The following WNT9A variants were observed in gnomAD, a reference collection of about 807,000 sequenced individuals.
WNT9A encodes protein Wnt-9a.
WNT9A carries 8 observed loss-of-function variants against 31.4 expected under a neutral mutation model. The observed-to-expected ratio is 0.26, with a 90% confidence interval of 0.15 to 0.46. The LOEUF is 0.46. WNT9A is among the 20% of genes least tolerant of loss of function. The pLI, the probability that WNT9A is intolerant of heterozygous loss-of-function variation, is 0.99. For synonymous variants in WNT9A, 236 were observed against 220.1 expected, an observed-to-expected ratio of 1.07 and a Z score of -0.64; for missense variants, 457 against 522.9, an observed-to-expected ratio of 0.87 and a Z score of 1.23.
Position 227,921,114 on chromosome 1 carries a change from A to T in WNT9A, c.*404T>A. ...CCCTTGCAGGTGTAGACCTTCTCAC[A>T]CCATGTGCAATGCCTGCACTCTGAG... is the stretch of plus-strand genomic sequence containing the variant. On this transcript the variant is annotated 3_prime_UTR_variant, in exon 4 of 4. Transcript: ENST00000272164. 1 of 214,342 alleles carries T rather than the reference A, an allele frequency of 4.7e-6. No individual in the cohort carries two copies. Among genetic ancestry groups the T allele is most frequent in the Admixed American group, 4.9e-5 (1 of 20,354 alleles). The allele number at this position is 214,342 out of a possible 1,614,324, so 13.3% of individuals were successfully genotyped here.
intron 1 of WNT9A, among the ~76,000 whole-genome samples, chr1:227,943,700 G>C (rs115364940): frequency 0.013 from 1,931 of 152,368 alleles, 37 homozygotes; most frequent in African/African-American, 0.043. Flanking sequence ...TGCAGGCGGG[G>C]AGCAAGGGCT....
In WNT9A at chr1:227,924,201, G is replaced by A; in HGVS notation, c.552C>T (p.Gly184=). Residue 184 remains glycine, a synonymous_variant, in exon 3 of 4, where the codon GGC becomes GGT. Transcript: ENST00000272164. ...YSSKFVKEFL[G]RRSSKDLRAR... ...CTCGCAGATCCTTGCTTGACCGTCT[G>A]CCCAGGAATTCCTTGACGAACTTGC... 2 of 1,612,812 alleles carry A rather than the reference G, an allele frequency of 1.2e-6. No individual in the cohort carries two copies. Among genetic ancestry groups the A allele is most frequent in the Non-Finnish European group, 1.7e-6 (2 of 1,179,736 alleles).
In WNT9A at chr1:227,934,025, CCCT is replaced by C. The variant is rs1303068022; in HGVS notation, c.96-8509_96-8507del. Reference sequence around the variant, plus strand: ...TGGGCTGCAGCCTGTGTCAGAACATCCCTCCTCTTAAGGGTGAATCCTATTCCA... The same window carrying C: ...TGGGCTGCAGCCTGTGTCAGAACATCCCTCTTAAGGGTGAATCCTATTCCA... On this transcript the variant is annotated intron_variant, in intron 1 of 3. Transcript: ENST00000272164. Among the ~76,000 whole-genome samples, 10 of 152,358 alleles carry C rather than the reference CCCT, an allele frequency of 6.6e-5. No individual in the cohort carries two copies. The East Asian group carries it at 1.9e-3, about 29-fold the overall frequency.
At chr1:227,924,945 C>G (rs2102718665) in intron 2 of WNT9A, among the ~76,000 whole-genome samples, 2 of 152,294 alleles carry the variant, frequency 1.3e-5, no homozygotes, top group East Asian at 3.9e-4. Context: ...ACAGGCATAG[C>G]CCACTGGGCA....
In WNT9A at chr1:227,926,331, C is replaced by A. The variant is rs946940833; in HGVS notation, c.96-812G>T. ...CCCCAACCTCAACTGCTCCAGGAAC[C>A]CGGCTCCACCCCACTGGGTGCCCCC... On this transcript the variant is annotated intron_variant, in intron 1 of 3. Transcript: ENST00000272164. This position sits in a 1 kb window ranked among gnomAD's most constrained non-coding sequence, Gnocchi z 5.0. Among the ~76,000 whole-genome samples, 2 of 152,096 alleles carry A rather than the reference C, an allele frequency of 1.3e-5. No individual in the cohort carries two copies. The highest frequency in any genetic ancestry group is 2.9e-5 in the Non-Finnish European group (2 of 68,012).
Position 227,921,341 on chromosome 1 carries a change from G to A in WNT9A, c.*177C>T, listed in dbSNP as rs568052668. ...CCAGGGACTCACCCCACGCTGCTAGGTCTGAGCCCAGGGACTCAGCCCATG... is the reference window on the plus strand; with the variant it reads ...CCAGGGACTCACCCCACGCTGCTAGATCTGAGCCCAGGGACTCAGCCCATG... On this transcript the variant is annotated 3_prime_UTR_variant, in exon 4 of 4. Coordinates refer to ENST00000272164, the MANE Select transcript of WNT9A (RefSeq NM_003395.4). The A allele has an allele frequency of 9.8e-7, 1 of 1,019,920 alleles. No individual in the cohort carries two copies. Among genetic ancestry groups the A allele is most frequent in the Middle Eastern group, 2.6e-4 (1 of 3,788 alleles). The allele number at this position is 1,019,920 out of a possible 1,614,324, so 63.2% of individuals were successfully genotyped here.
chr1:227,925,979 T>C lies in WNT9A; in HGVS notation c.96-460A>G, dbSNP rs1279973104. On this transcript the variant is annotated intron_variant, in intron 1 of 3. Transcript: ENST00000272164. This position sits in a 1 kb window ranked among gnomAD's most constrained non-coding sequence, Gnocchi z 6.0. ...CTGACCCGCAGGATCCCGCCTGAGG[T>C]CCCCCTACCCTCTGCCATGACCTGC... Among the ~76,000 whole-genome samples the C allele has an allele frequency of 6.6e-6, 1 of 151,280 alleles. No homozygotes were observed. Among genetic ancestry groups the C allele is most frequent in the Non-Finnish European group, 1.5e-5 (1 of 67,818 alleles).
Position 227,947,781 on chromosome 1 carries a change from GA to G in WNT9A, c.95+11del. ...CGCCCACCAGTGCGCGCCGGCCGCC[GA>G]AGGCACCTACCCGAAGTAGGCGGCC... On this transcript the variant is annotated intron_variant, in intron 1 of 3. Transcript: ENST00000272164. The G allele has an allele frequency of 9.4e-7, 1 of 1,062,208 alleles. No homozygotes were observed. The highest frequency in any genetic ancestry group is 4.1e-5 in the South Asian group (1 of 24,172). 65.8% of individuals were successfully genotyped at this position (1,062,208 alleles called of 1,614,324 possible).
Position 227,925,473 on chromosome 1 carries a change from G to A in WNT9A, c.142C>T (p.Pro48Ser), listed in dbSNP as rs751540703. The A allele has an allele frequency of 1.3e-5, 21 of 1,577,334 alleles. No homozygotes were observed. The highest frequency in any genetic ancestry group is 3.4e-5 in the South Asian group (3 of 87,332). The change falls in exon 2 of 4, where the codon CCA becomes TCA. Residue 48 changes from proline (P) to serine (S), a missense_variant. Coordinates refer to ENST00000272164, the MANE Select transcript of WNT9A (RefSeq NM_003395.4). The surrounding 1 kb of genome is among the most constrained non-coding windows in gnomAD (Gnocchi z 6.0). ...PLTILPLTLEPEAAAQAHYKA... is the reference protein window; with the variant it reads ...PLTILPLTLESEAAAQAHYKA... ...TAGTGCGCCTGGGCAGCCGCCTCTG[G>A]CTCCAGGGTCAGCGGGAGGATGGTC...
chr1:227,939,606 G>A (rs1176158862), intron 1 of WNT9A, among the ~76,000 whole-genome samples: 1 of 152,166 alleles, frequency 6.6e-6, no homozygotes, highest in Non-Finnish European at 1.5e-5. Flanking sequence ...ACAATAGACA[G>A]GAAGTCCTAC....
intron 1 of WNT9A, among the ~76,000 whole-genome samples, chr1:227,927,735 A>G (rs1164281496): frequency 6.6e-6 from 1 of 152,052 alleles, no homozygotes; most frequent in Non-Finnish European, 1.5e-5. Flanking sequence ...GGAAGACGAC[A>G]GCCTCCCACC....
chr1:227,919,722 C>CACACACACACACAG lies in WNT9A; in HGVS notation c.*1795_*1796insCTGTGTGTGTGTGT, dbSNP rs55730500. 7 of 145,656 alleles carry CACACACACACACAG rather than the reference C, an allele frequency of 4.8e-5. No individual in the cohort carries two copies. The highest frequency in any genetic ancestry group is 1.8e-4 in the African/African-American group (7 of 38,392). The allele number at this position is 145,656 out of a possible 1,614,324, so 9.0% of individuals were successfully genotyped here. On this transcript the variant is annotated 3_prime_UTR_variant, in exon 4 of 4. Transcript: ENST00000272164. Reference sequence around the variant, plus strand: ...ACACACACACACACACACACACACACAGACCATGCCAGCATGCATTTATAC... The same window carrying CACACACACACACAG: ...ACACACACACACACACACACACACACACACACACACACAGAGACCATGCCAGCATGCATTTATAC...
chr1:227,938,644 AAC>A (rs1435985418), intron 1 of WNT9A, among the ~76,000 whole-genome samples: 1 of 152,078 alleles, frequency 6.6e-6, no homozygotes, highest in Non-Finnish European at 1.5e-5. Flanking sequence ...TCCAAACACA[AAC>A]ACACATACAT....
rs146110577 is a variant in WNT9A at position 227,940,681 on chromosome 1, C to T, written c.95+7112G>A. Among the ~76,000 whole-genome samples, 768 of 152,366 alleles carry T rather than the reference C, an allele frequency of 5.0e-3. 15 individuals carry two copies. The highest frequency in any genetic ancestry group is 0.018 in the African/African-American group (741 of 41,580). ...AGCCCACTTCCCCTGGCTGCACTGA[C>T]CTCAGGTATCGCTAAAAAAAACAAA... On this transcript the variant is annotated intron_variant, in intron 1 of 3. Coordinates refer to ENST00000272164, the MANE Select transcript of WNT9A (RefSeq NM_003395.4).
intron 1 of WNT9A, among the ~76,000 whole-genome samples, chr1:227,934,131 T>C (rs1326118001): frequency 2.0e-5 from 3 of 152,210 alleles, no homozygotes; most frequent in East Asian, 1.9e-4. Flanking sequence ...CCAGCTTTCA[T>C]ACCTGCTGCC....
chr1:227,919,592 C>T lies in WNT9A; in HGVS notation c.*1926G>A, dbSNP rs1054200052. On this transcript the variant is annotated 3_prime_UTR_variant, in exon 4 of 4. Coordinates refer to ENST00000272164, the MANE Select transcript of WNT9A (RefSeq NM_003395.4). ...AACCCAGCCCACAGCCATCAGGACA[C>T]CCACAAGACGGAGCCCAGGGCGAGA... 2 of 152,076 alleles carry T rather than the reference C, an allele frequency of 1.3e-5. No individual in the cohort carries two copies. Among genetic ancestry groups the T allele is most frequent in the African/African-American group, 4.8e-5 (2 of 41,284 alleles). 9.4% of individuals were successfully genotyped at this position (152,076 alleles called of 1,614,324 possible).
chr1:227,928,185 C>T lies in WNT9A; in HGVS notation c.96-2666G>A, dbSNP rs761417480. Among the ~76,000 whole-genome samples the T allele has an allele frequency of 1.4e-4, 21 of 152,142 alleles. No individual in the cohort carries two copies. The highest frequency in any genetic ancestry group is 2.4e-4 in the Non-Finnish European group (16 of 68,008). ...TCCTCCAGCCTTCCCTAGGGCACCCCTGAAGCATGCAGACAGCAGGGCAGC... is the reference window on the plus strand; with the variant it reads ...TCCTCCAGCCTTCCCTAGGGCACCCTTGAAGCATGCAGACAGCAGGGCAGC... On this transcript the variant is annotated intron_variant, in intron 1 of 3. Transcript: ENST00000272164. This position sits in a 1 kb window ranked among gnomAD's most constrained non-coding sequence, Gnocchi z 4.5.
chr1:227,938,556 GAT>G (rs1456104558), intron 1 of WNT9A, among the ~76,000 whole-genome samples: 2 of 151,986 alleles, frequency 1.3e-5, no homozygotes, highest in South Asian at 2.1e-4. Flanking sequence ...CCCGTAAACC[GAT>G]AGAGATGCAC....
rs1666292687 is a variant in WNT9A at position 227,920,479 on chromosome 1, A to G, written c.*1039T>C. 1.3e-5 allele frequency: 2 copies of G among 152,180 alleles called. No homozygotes were observed. Among genetic ancestry groups the G allele is most frequent in the Non-Finnish European group, 2.9e-5 (2 of 68,030 alleles). The allele number at this position is 152,180 out of a possible 1,614,324, so 9.4% of individuals were successfully genotyped here. ...TAGTTAAATAATCATAATAATTTAA[A>G]AGTCACTGATATTTACTCCAAAGAG... On this transcript the variant is annotated 3_prime_UTR_variant, in exon 4 of 4. Coordinates refer to ENST00000272164, the MANE Select transcript of WNT9A (RefSeq NM_003395.4).
Sources: gnomAD v4.1 joint callset for allele counts (sites outside exome capture counted in the v4.1 genomes callset) on GRCh38, gnomAD v4.1.1 for gene constraint, Gnocchi (gnomAD v3.1) non-coding constraint, MANE v1.5 for transcripts, NCBI Gene and HGNC (gene_info 2026-07-23, HGNC 2026-07-21) for gene names.